The following RALGPS1 variants were observed in gnomAD, a reference collection of about 807,000 sequenced individuals.
RALGPS1 encodes the protein ras-specific guanine nucleotide-releasing factor RalGPS1.
In RALGPS1, 19 loss-of-function variants were observed where a neutral mutation model predicts 78.8. That is an observed-to-expected ratio of 0.24 (90% CI 0.17 to 0.35). The LOEUF is 0.35. Among genes scored for constraint, RALGPS1 ranks in the 10% least tolerant of loss-of-function variants. The pLI, the probability that RALGPS1 is intolerant of heterozygous loss-of-function variation, is 1.00. For synonymous variants in RALGPS1, 228 were observed against 256.3 expected, an observed-to-expected ratio of 0.89 and a Z score of 1.06; for missense variants, 454 against 688.3, an observed-to-expected ratio of 0.66 and a Z score of 3.81.
chr9:126,922,084 G>A (rs1270060808), intron 1 of RALGPS1, among the ~76,000 whole-genome samples: 1 of 152,222 alleles, frequency 6.6e-6, no homozygotes, highest in Non-Finnish European at 1.5e-5. Flanking sequence ...ATAGGGTACT[G>A]GTGAGGGAGA....
At chr9:127,125,955 A>C (rs2056582949) in intron 8 of RALGPS1, among the ~76,000 whole-genome samples, 1 of 152,098 alleles carries the variant, frequency 6.6e-6, no homozygotes, top group South Asian at 2.1e-4. Flanking sequence ...TTTCTGTTGG[A>C]AACAGCGGGA....
At chr9:127,037,308 G>A (rs908724655) in intron 5 of RALGPS1, among the ~76,000 whole-genome samples, 3 of 152,162 alleles carry the variant, frequency 2.0e-5, no homozygotes. Context: ...GGTGAAGAGG[G>A]AATTGGGAGA....
intron 8 of RALGPS1, among the ~76,000 whole-genome samples, chr9:127,116,651 G>A (rs1033889809): frequency 6.6e-6 from 1 of 152,196 alleles, no homozygotes; most frequent in Admixed American, 6.5e-5. Flanking sequence ...GACTTTCTTG[G>A]GAAGTCCAGG....
At chr9:127,064,214 T>A (rs1370382346) in intron 7 of RALGPS1, among the ~76,000 whole-genome samples, 1 of 152,222 alleles carries the variant, frequency 6.6e-6, no homozygotes. Flanking sequence ...ATGGTTTTAG[T>A]ATCTGTTTGA....
At chr9:127,049,891 CTT>C (rs2048147892) in intron 5 of RALGPS1, 150 bp from the exon 6 acceptor site, 3 of 643,772 alleles carry the variant, frequency 4.7e-6, no homozygotes, top group Admixed American at 2.7e-5. Context: ...TAGAGGAACT[CTT>C]TAACTCATGT....
rs1383690329 is a variant in RALGPS1, at chr9:127,222,544, A to G, written c.*3775A>G. 1 of 152,302 alleles carries G rather than the reference A, an allele frequency of 6.6e-6. No individual in the cohort carries two copies. The highest frequency in any genetic ancestry group is 1.5e-5 in the Non-Finnish European group (1 of 68,032). The allele number at this position is 152,302 out of a possible 1,614,324, so 9.4% of individuals were successfully genotyped here. ...TTCTTGGGTGTTGAGAACTTGTACC[A>G]TGGACTTCAGACCGCCTTGCAGCCG... On this transcript the variant is annotated 3_prime_UTR_variant, in exon 19 of 19. Transcript: ENST00000259351.
chr9:127,121,522 G>A (rs572449587), intron 8 of RALGPS1, among the ~76,000 whole-genome samples: 2 of 152,344 alleles, frequency 1.3e-5, no homozygotes, highest in East Asian at 3.9e-4. Context: ...GGCAAGAGCT[G>A]ACCCATGACA....
intron 4 of RALGPS1, among the ~76,000 whole-genome samples, chr9:126,991,562 T>C (rs1454859709): frequency 6.6e-6 from 1 of 152,184 alleles, no homozygotes; most frequent in Non-Finnish European, 1.5e-5. Context: ...TTGTTTGAAC[T>C]CTTGTCATAG....
At chr9:126,919,190 A>G (rs1348093631) in intron 1 of RALGPS1, among the ~76,000 whole-genome samples, 5 of 152,206 alleles carry the variant, frequency 3.3e-5, no homozygotes, top group African/African-American at 1.2e-4. Flanking sequence ...CTAGCATTGG[A>G]AAATGTGTCA....
intron 11 of RALGPS1, among the ~76,000 whole-genome samples, chr9:127,187,039 G>A (rs2060696450): frequency 1.3e-5 from 2 of 152,322 alleles, no homozygotes; most frequent in South Asian, 2.1e-4. Flanking sequence ...GTTACCAGAA[G>A]AGACTTGGAG....
At chr9:127,170,036 A>G (rs905881421) in intron 10 of RALGPS1, among the ~76,000 whole-genome samples, 3 of 152,224 alleles carry the variant, frequency 2.0e-5, no homozygotes, top group African/African-American at 4.8e-5. Context: ...CCAATATGCC[A>G]TGATTCCTTG....
chr9:127,001,864 A>T (rs2043341341), intron 4 of RALGPS1, among the ~76,000 whole-genome samples: 1 of 152,242 alleles, frequency 6.6e-6, no homozygotes, highest in East Asian at 1.9e-4. Context: ...AGCCTTGGCA[A>T]CAAGAGTGAG....
chr9:127,096,360 G>A (rs925322747), intron 8 of RALGPS1, among the ~76,000 whole-genome samples: 14 of 152,246 alleles, frequency 9.2e-5, no homozygotes, highest in African/African-American at 3.4e-4. Context: ...AGGAGAGGCC[G>A]TTCGATGTGA....
chr9:126,975,477 C>T (rs190878014), intron 3 of RALGPS1, among the ~76,000 whole-genome samples: 7 of 152,286 alleles, frequency 4.6e-5, no homozygotes, highest in Admixed American at 2.6e-4. Context: ...AACATCCTGC[C>T]GGTTCTCCCG....
chr9:127,086,760 C>T (rs886552288), intron 8 of RALGPS1, among the ~76,000 whole-genome samples: 3 of 151,916 alleles, frequency 2.0e-5, no homozygotes, highest in Non-Finnish European at 4.4e-5. Context: ...TTGGGGTTTC[C>T]TGTCATGCCT....
At chr9:127,161,101 ACT>A (rs1366947068) in intron 8 of RALGPS1, among the ~76,000 whole-genome samples, 1 of 152,124 alleles carries the variant, frequency 6.6e-6, no homozygotes, top group East Asian at 1.9e-4. Context: ...TGCTTTGGTA[ACT>A]CTGTGTAAAT....
At chr9:127,177,653 GGAGGTT>G (rs1225875393) in intron 11 of RALGPS1, among the ~76,000 whole-genome samples, 1 of 152,218 alleles carries the variant, frequency 6.6e-6, no homozygotes, top group African/African-American at 2.4e-5. Flanking sequence ...GAGAAGAACA[GGAGGTT>G]GCAGACCTGG....
chr9:126,985,571 A>G (rs527903664), intron 4 of RALGPS1, among the ~76,000 whole-genome samples: 2 of 152,354 alleles, frequency 1.3e-5, no homozygotes, highest in South Asian at 4.1e-4. Flanking sequence ...ACTTTATATT[A>G]TCCCGTCATA....
chr9:127,092,057 G>C, intron 8 of RALGPS1: 3 of 1,294,976 alleles, frequency 2.3e-6, no homozygotes, highest in Non-Finnish European at 2.1e-6. Flanking sequence ...AGAGCATGAA[G>C]CAGACCTGGT....
Sources: gnomAD v4.1 joint callset for allele counts (sites outside exome capture counted in the v4.1 genomes callset) on GRCh38, gnomAD v4.1.1 for gene constraint, MANE v1.5 for transcripts, NCBI Gene and HGNC (gene_info 2026-07-23, HGNC 2026-07-21) for gene names.